FARSB: variants seen among roughly 807,000 people sequenced by gnomAD.
FARSB encodes the protein phenylalanine--tRNA ligase beta subunit.
FARSB carries 40 observed loss-of-function variants against 69.6 expected under a neutral mutation model. That is an observed-to-expected ratio of 0.57 (90% CI 0.45 to 0.75). FARSB has a LOEUF of 0.75. Ranked by LOEUF, FARSB falls within the 30% of genes least tolerant of loss-of-function variation. FARSB has a pLI of 0.00. For synonymous variants in FARSB, 235 were observed against 247.2 expected (o/e 0.95, Z 0.46); for missense variants, 632 against 722.9 (o/e 0.87, Z 1.44).
At chr2:222,620,952 C>G (rs1691119290) in intron 13 of FARSB, among the ~76,000 whole-genome samples, 1 of 152,186 alleles carries the variant, frequency 6.6e-6, no homozygotes. Context: ...CCAGCCATAG[C>G]AGAAAACAGC....
At chr2:222,596,760 C>T (rs995721873) in intron 16 of FARSB, among the ~76,000 whole-genome samples, 27 of 152,078 alleles carry the variant, frequency 1.8e-4, no homozygotes, top group African/African-American at 5.3e-4. Flanking sequence ...GTCTGAAAAA[C>T]AATTTTGTTC....
At chr2:222,589,206 C>A (rs1405361283) in intron 16 of FARSB, among the ~76,000 whole-genome samples, 2 of 152,108 alleles carry the variant, frequency 1.3e-5, no homozygotes, top group African/African-American at 4.8e-5. Flanking sequence ...AGAAATAATA[C>A]CACACATCTA....
chr2:222,580,689 A>G (rs1485476204), intron 16 of FARSB, among the ~76,000 whole-genome samples: 1 of 152,154 alleles, frequency 6.6e-6, no homozygotes, highest in Admixed American at 6.5e-5. Flanking sequence ...CCTTTAAAAA[A>G]AAATTCCACT....
intron 16 of FARSB, among the ~76,000 whole-genome samples, chr2:222,580,798 A>C (rs970201625): frequency 2.0e-5 from 3 of 152,148 alleles, no homozygotes; most frequent in African/African-American, 7.2e-5. Flanking sequence ...GACTTTAGGG[A>C]TTATGAGAGT....
intron 16 of FARSB, among the ~76,000 whole-genome samples, chr2:222,584,213 G>GA (rs201487000): frequency 2.5e-4 from 37 of 149,780 alleles, no homozygotes; most frequent in African/African-American, 6.9e-4. Context: ...AAACAGTTCA[G>GA]AAAAAAAAAA....
intron 16 of FARSB, 34 bp downstream of exon 16, chr2:222,599,894 G>A (rs373227385): frequency 7.9e-6 from 12 of 1,520,332 alleles, no homozygotes; most frequent in Non-Finnish European, 1.1e-5. Context: ...TCCTGACACT[G>A]TCACTAACTC....
chr2:222,638,889 T>A (rs1691648986), intron 5 of FARSB, among the ~76,000 whole-genome samples: 1 of 152,230 alleles, frequency 6.6e-6, no homozygotes. Context: ...AAGCTTAATA[T>A]GTTAGGCTAA....
chr2:222,616,916 A>G (rs558959497), intron 14 of FARSB, among the ~76,000 whole-genome samples: 1 of 152,342 alleles, frequency 6.6e-6, no homozygotes, highest in South Asian at 2.1e-4. Flanking sequence ...GGTAAAATAT[A>G]GAATCTGTTA....
At chr2:222,579,237 C>T in intron 16 of FARSB, among the ~76,000 whole-genome samples, 1 of 152,152 alleles carries the variant, frequency 6.6e-6, no homozygotes, top group East Asian at 1.9e-4. Context: ...GCACATAAGG[C>T]CTAAAGCAGA....
At chr2:222,636,686 G>A (rs1011706447) in intron 5 of FARSB, among the ~76,000 whole-genome samples, 1 of 152,164 alleles carries the variant, frequency 6.6e-6, no homozygotes, top group Non-Finnish European at 1.5e-5. Flanking sequence ...TGCTATAATA[G>A]AGCAGCAACT....
At chr2:222,586,786 C>A (rs1474621225) in intron 16 of FARSB, among the ~76,000 whole-genome samples, 1 of 152,168 alleles carries the variant, frequency 6.6e-6, no homozygotes, top group Non-Finnish European at 1.5e-5. Context: ...GTAAAGGGAT[C>A]AATTCAACAA....
intron 15 of FARSB, among the ~76,000 whole-genome samples, chr2:222,612,322 A>C (rs1028550840): frequency 5.9e-5 from 9 of 152,212 alleles, no homozygotes; most frequent in African/African-American, 2.2e-4. Flanking sequence ...CTCCAGCTCC[A>C]AGTTCAATAT....
intron 16 of FARSB, among the ~76,000 whole-genome samples, chr2:222,588,319 G>A (rs1208219962): frequency 6.6e-6 from 1 of 152,136 alleles, no homozygotes; most frequent in African/African-American, 2.4e-5. Flanking sequence ...AGCGCTTCAT[G>A]CTAAAAACTC....
At chr2:222,618,743 A>T (rs1020732136) in intron 14 of FARSB, among the ~76,000 whole-genome samples, 2 of 152,220 alleles carry the variant, frequency 1.3e-5, no homozygotes, top group African/African-American at 4.8e-5. Context: ...AATAAAAGAC[A>T]TAAGCAGCAC....
In FARSB at chr2:222,571,242, T is replaced by C. The variant is rs1041814946; in HGVS notation, c.*629A>G. On this transcript the variant is annotated 3_prime_UTR_variant, in exon 17 of 17. Coordinates refer to ENST00000281828, the MANE Select transcript of FARSB (RefSeq NM_005687.5). ...ACAGATCTTTGTTGCATGTACTCTA[T>C]CTTAGAGTATCACAGATAGAGTAAA... 6.6e-6 allele frequency: 1 copy of C among 152,232 alleles called. No homozygotes were observed. The highest frequency in any genetic ancestry group is 2.4e-5 in the African/African-American group (1 of 41,446). 9.4% of individuals were successfully genotyped at this position (152,232 alleles called of 1,614,324 possible).
In FARSB at chr2:222,570,674, C is replaced by CAGGG. The variant is rs1559184406; in HGVS notation, c.*1196_*1197insCCCT. 1.3e-5 allele frequency: 2 copies of CAGGG among 152,046 alleles called. No homozygotes were observed. The highest frequency in any genetic ancestry group is 4.8e-5 in the African/African-American group (2 of 41,382). The allele number at this position is 152,046 out of a possible 1,614,324, so 9.4% of individuals were successfully genotyped here. On this transcript the variant is annotated 3_prime_UTR_variant, in exon 17 of 17. Transcript: ENST00000281828. ...GGTAGCTGGGACTGCAGGCCCACAC[C>CAGGG]ACCATGCCTGGCTAATTTTTATATT... is the stretch of plus-strand genomic sequence containing the variant.
chr2:222,630,080 TG>T, intron 9 of FARSB, 32 bp downstream of exon 9: 1 of 1,311,186 alleles, frequency 7.6e-7, no homozygotes, highest in Non-Finnish European at 1.1e-6. Context: ...TTCAGAACAA[TG>T]GGCCATCAAT....
At chr2:222,624,131 C>A in intron 12 of FARSB, 141 bp downstream of exon 12, 1 of 649,360 alleles carries the variant, frequency 1.5e-6, no homozygotes, top group Non-Finnish European at 2.7e-6. Context: ...TGTTTTGTAT[C>A]CTCTCCACAG....
At position 222,586,697 on chromosome 2, in the gene FARSB, G is replaced by A. The variant is rs1690122662; in HGVS notation, c.1618+13231C>T. Among the ~76,000 whole-genome samples the A allele has an allele frequency of 3.9e-5, 6 of 152,158 alleles. No homozygotes were observed. The South Asian group carries it at 1.2e-3, about 32-fold the overall frequency. On this transcript the variant is annotated intron_variant, in intron 16 of 16. Coordinates refer to ENST00000281828, the MANE Select transcript of FARSB (RefSeq NM_005687.5). ...AGCAAATGGAAAACAAAAAAAAGCA[G>A]GTTTTGCAATCCTAGTCTCTGATAA...
Sources: allele counts gnomAD v4.1 joint callset (sites outside exome capture counted in the v4.1 genomes callset), GRCh38; gene constraint gnomAD v4.1.1; transcripts MANE v1.5; gene names NCBI Gene and HGNC (gene_info 2026-07-23, HGNC 2026-07-21).